The following OPRM1 variants were observed in gnomAD, a reference collection of about 807,000 sequenced individuals.
OPRM1 encodes opioid receptor mu 1.
A neutral mutation model predicts 31.8 loss-of-function variants in OPRM1; 27 were observed. The ratio of observed to expected loss-of-function variants is 0.85; its 90% confidence interval spans 0.63 to 1.17. The LOEUF (loss-of-function observed/expected upper bound fraction) is 1.17. Among genes scored for constraint, OPRM1 ranks in the 50% most tolerant of loss-of-function variants. OPRM1 has a pLI of 0.00. For synonymous variants in OPRM1, 196 were observed against 189.9 expected, an observed-to-expected ratio of 1.03 and a Z score of -0.26; for missense variants, 536 against 511.1, an observed-to-expected ratio of 1.05 and a Z score of -0.47.
chr6:154,140,836 C>T (rs1170294638), intron 3 of OPRM1, among the ~76,000 whole-genome samples: 11 of 152,204 alleles, frequency 7.2e-5, no homozygotes, highest in African/African-American at 2.4e-4. Context: ...TGGCCACTTC[C>T]TAACTACTCA....
chr6:154,120,659 A>G lies in OPRM1; in HGVS notation c.*1938A>G, dbSNP rs1385944554. 6.6e-6 allele frequency among the ~76,000 whole-genome samples: 1 copy of G among 152,158 alleles called. No homozygotes were observed. Among genetic ancestry groups the G allele is most frequent in the African/African-American group, 2.4e-5 (1 of 41,440 alleles). On this transcript the variant is annotated 3_prime_UTR_variant, in exon 4 of 4. Transcript: ENST00000330432. ...AACACAATGTAATATTTGTATGTAA[A>G]TAACTGAGGAGGAAAATCCATGCTT...
chr6:154,085,888 CTTT>C (rs779654564), intron 1 of OPRM1, among the ~76,000 whole-genome samples: 5 of 123,942 alleles, frequency 4.0e-5, no homozygotes, highest in Admixed American at 8.5e-5. Flanking sequence ...AAAGCTTGCC[CTTT>C]TTTTTTTTTT....
At chr6:154,033,467 G>A (rs560483122) in intron 1 of OPRM1, among the ~76,000 whole-genome samples, 2 of 152,298 alleles carry the variant, frequency 1.3e-5, no homozygotes, top group East Asian at 1.9e-4. Flanking sequence ...TGGAATTAAA[G>A]CGCTGGAAAA....
At chr6:154,197,886 C>T (rs940903252) in intron 3 of OPRM1, among the ~76,000 whole-genome samples, 6 of 152,098 alleles carry the variant, frequency 3.9e-5, no homozygotes, top group African/African-American at 1.4e-4. Flanking sequence ...TTAAAGTAAG[C>T]GTTTGTAGGA....
At chr6:154,133,769 G>A (rs1487029071), downstream of OPRM1, among the ~76,000 whole-genome samples, 7 of 152,296 alleles carry the variant, frequency 4.6e-5, no homozygotes, top group East Asian at 1.9e-4. Flanking sequence ...GATACTGTGC[G>A]TTTGCAATGA....
intron 3 of OPRM1, chr6:154,212,979 A>G: frequency 1.4e-6 from 1 of 701,704 alleles, no homozygotes; most frequent in Non-Finnish European, 2.5e-6. Flanking sequence ...GTTCATATCT[A>G]ATGAACTACC....
intron 3 of OPRM1, among the ~76,000 whole-genome samples, chr6:154,226,387 A>T (rs1034165491): frequency 2.0e-5 from 3 of 152,160 alleles, no homozygotes; most frequent in East Asian, 3.8e-4. Flanking sequence ...TTACTCCATA[A>T]AATGCCCACT....
chr6:154,133,120 C>A (rs1267997729), downstream of OPRM1, among the ~76,000 whole-genome samples: 27 of 135,928 alleles, frequency 2.0e-4, no homozygotes, highest in Admixed American at 2.9e-4. Flanking sequence ...GACTCCATCT[C>A]AAAAAAAAAA....
chr6:154,065,364 G>A (rs975496090), intron 1 of OPRM1, among the ~76,000 whole-genome samples: 2 of 151,912 alleles, frequency 1.3e-5, no homozygotes, highest in Non-Finnish European at 2.9e-5. Flanking sequence ...TGGCCAGGAT[G>A]GTCTCCATCT....
At chr6:154,166,330 C>A (rs1176083139) in intron 3 of OPRM1, among the ~76,000 whole-genome samples, 1 of 152,244 alleles carries the variant, frequency 6.6e-6, no homozygotes, top group African/African-American at 2.4e-5. Context: ...ATCTAGAATC[C>A]TGAGTCTGCT....
intron 3 of OPRM1, among the ~76,000 whole-genome samples, chr6:154,115,198 G>A (rs371504819): frequency 2.7e-4 from 41 of 152,278 alleles, no homozygotes; most frequent in East Asian, 2.5e-3. Flanking sequence ...AGAACCTAGT[G>A]CAGTCCCTCA....
intron 3 of OPRM1, among the ~76,000 whole-genome samples, chr6:154,237,376 G>A (rs1198582659): frequency 1.3e-5 from 2 of 152,070 alleles, no homozygotes; most frequent in Admixed American, 6.6e-5. Flanking sequence ...TCCTTTACAC[G>A]GGGTCGGTAG....
intron 3 of OPRM1, among the ~76,000 whole-genome samples, chr6:154,211,225 GC>G (rs1356690392): frequency 6.6e-6 from 1 of 151,982 alleles, no homozygotes; most frequent in Admixed American, 6.6e-5. Context: ...GACCATCCTG[GC>G]TAACACGGTG....
chr6:154,109,784 CTCTCTCTCTGTG>C (rs1562482058), intron 3 of OPRM1, among the ~76,000 whole-genome samples: 2 of 121,526 alleles, frequency 1.6e-5, no homozygotes, highest in African/African-American at 2.9e-5. Context: ...CTCTCTCTCT[CTCTCTCTCTGTG>C]TGTGTGTGTG....
chr6:154,031,082 T>TA (rs1028769111), intron 1 of OPRM1, among the ~76,000 whole-genome samples: 1 of 152,140 alleles, frequency 6.6e-6, no homozygotes, highest in Non-Finnish European at 1.5e-5. Context: ...TTAAAGCAAT[T>TA]AAAAAAATAA....
intron 1 of OPRM1, among the ~76,000 whole-genome samples, chr6:154,050,238 T>C (rs955433287): frequency 3.9e-5 from 6 of 152,168 alleles, no homozygotes; most frequent in Admixed American, 3.9e-4. Context: ...TGGTAGGTTG[T>C]ATGTATATAC....
chr6:154,148,925 T>A (rs375287169), intron 3 of OPRM1, among the ~76,000 whole-genome samples: 14 of 152,164 alleles, frequency 9.2e-5, no homozygotes, highest in African/African-American at 3.1e-4. Flanking sequence ...GCCATGATAT[T>A]TTTTGAGTAG....
chr6:154,107,624 A>G (rs1795787661), intron 3 of OPRM1: 1 of 718,424 alleles, frequency 1.4e-6, no homozygotes, highest in Non-Finnish European at 2.6e-6. Context: ...AGAGCTGACT[A>G]TGACATGAAC....
chr6:154,141,973 T>C (rs1374453038), intron 3 of OPRM1, among the ~76,000 whole-genome samples: 1 of 152,212 alleles, frequency 6.6e-6, no homozygotes, highest in Non-Finnish European at 1.5e-5. Flanking sequence ...GACCAAGTTT[T>C]ACACAAGTGG....
Sources: allele counts gnomAD v4.1 joint callset (sites outside exome capture counted in the v4.1 genomes callset), GRCh38; gene constraint gnomAD v4.1.1; transcripts MANE v1.5; gene names NCBI Gene and HGNC (gene_info 2026-07-23, HGNC 2026-07-21).